ALPK2: variants seen among roughly 807,000 people sequenced by gnomAD.
ALPK2 encodes the protein alpha kinase 2.
A neutral mutation model predicts 163.1 loss-of-function variants in ALPK2; 127 were observed. The ratio of observed to expected loss-of-function variants is 0.78; its 90% confidence interval spans 0.67 to 0.90. The LOEUF is 0.90. Ranked by LOEUF, ALPK2 falls within the 40% of genes least tolerant of loss-of-function variation. ALPK2 has a pLI of 0.00. For synonymous variants in ALPK2, 953 were observed against 959.1 expected, an observed-to-expected ratio of 0.99 and a Z score of 0.12; for missense variants, 2,360 against 2,589.6, an observed-to-expected ratio of 0.91 and a Z score of 1.92.
At chr18:58,620,769 A>G (rs1051290471) in intron 1 of ALPK2, among the ~76,000 whole-genome samples, 1 of 152,266 alleles carries the variant, frequency 6.6e-6, no homozygotes. Context: ...TGCCTGTGAT[A>G]GCAAAAGCTA....
At chr18:58,588,407 AT>A (rs916849157) in intron 3 of ALPK2, among the ~76,000 whole-genome samples, 11 of 151,890 alleles carry the variant, frequency 7.2e-5, no homozygotes, top group Non-Finnish European at 7.4e-5. Flanking sequence ...TAATGTTTGA[AT>A]TTTTTTTTAA....
intron 4 of ALPK2, among the ~76,000 whole-genome samples, chr18:58,564,123 CTTTT>C (rs10689097): frequency 9.8e-6 from 1 of 102,488 alleles, no homozygotes; most frequent in Non-Finnish European, 1.8e-5. Context: ...TGTCTTTGTT[CTTTT>C]TTTTTTTTTT....
At chr18:58,502,078 A>G (rs546090382) in intron 11 of ALPK2, among the ~76,000 whole-genome samples, 1 of 151,146 alleles carries the variant, frequency 6.6e-6, no homozygotes, top group South Asian at 2.1e-4. Context: ...AGGCAGGAAG[A>G]TCACCTGAGT....
intron 3 of ALPK2, among the ~76,000 whole-genome samples, chr18:58,598,529 G>A (rs2052052360): frequency 6.6e-6 from 1 of 152,198 alleles, no homozygotes; most frequent in South Asian, 2.1e-4. Context: ...GCCCTCAGCT[G>A]AGTGCATGAG....
intron 4 of ALPK2, among the ~76,000 whole-genome samples, chr18:58,556,621 G>A (rs1487646504): frequency 6.6e-6 from 1 of 152,192 alleles, no homozygotes; most frequent in East Asian, 1.9e-4. Context: ...CCTTTCTGGG[G>A]AAAGCCCTAA....
intron 4 of ALPK2, among the ~76,000 whole-genome samples, chr18:58,538,822 CA>C (rs1257044278): frequency 2.6e-5 from 4 of 152,132 alleles, no homozygotes; most frequent in East Asian, 1.9e-4. Context: ...TGCCATCCCT[CA>C]GGGGTGGGGG....
Position 58,516,794 on chromosome 18 carries a change from A to G in ALPK2, c.5940+114T>C, listed in dbSNP as rs566094030. On this transcript the variant is annotated intron_variant, in intron 9 of 12. Transcript: ENST00000361673. ...TGAGATTGAATTGAAACCCCAAAAG[A>G]GGAAAAACACCCTTTTGAAGATATT... is the stretch of plus-strand genomic sequence containing the variant. 5 of 1,267,010 alleles carry G rather than the reference A, an allele frequency of 3.9e-6. No homozygotes were observed. In the South Asian group the frequency reaches 7.1e-5, roughly 18 times the overall value. 78.5% of individuals were successfully genotyped at this position (1,267,010 alleles called of 1,614,324 possible).
chr18:58,612,800 G>A (rs1015130017), intron 1 of ALPK2, among the ~76,000 whole-genome samples: 24 of 152,260 alleles, frequency 1.6e-4, no homozygotes, highest in Non-Finnish European at 2.6e-4. Context: ...CCTTTGTGGA[G>A]CCCTGAGCTT....
intron 12 of ALPK2, 149 bp from the exon 13 acceptor site, chr18:58,482,188 C>CT (rs1322323506): frequency 3.1e-6 from 2 of 640,568 alleles, no homozygotes; most frequent in Admixed American, 5.7e-5. Flanking sequence ...ATAGACACAA[C>CT]TATAAGTGAA....
intron 3 of ALPK2, among the ~76,000 whole-genome samples, chr18:58,590,709 T>C (rs2052010715): frequency 6.6e-6 from 1 of 152,256 alleles, no homozygotes; most frequent in East Asian, 1.9e-4. Flanking sequence ...TCTGAATTTC[T>C]TGATCATATT....
intron 8 of ALPK2, 30 bp from the exon 9 acceptor site, chr18:58,517,212 G>T (rs752384706): frequency 3.1e-6 from 5 of 1,603,086 alleles, no homozygotes; most frequent in Non-Finnish European, 4.3e-6. Flanking sequence ...TGGTTGGAAA[G>T]AATACCTCCC....
rs147713179 is a variant in ALPK2 at position 58,595,215 on chromosome 18, T to A, written c.227+12107A>T. 1.3e-4 allele frequency among the ~76,000 whole-genome samples: 20 copies of A among 152,226 alleles called. No individual in the cohort carries two copies. In the East Asian group the frequency reaches 3.5e-3, roughly 26 times the overall value. Reference sequence around the variant, plus strand: ...CCTTCCCACCGTCATGCGCCTTCCCTCCCTCGTGCTGCTTTATCTTTTTTC... The same window carrying A: ...CCTTCCCACCGTCATGCGCCTTCCCACCCTCGTGCTGCTTTATCTTTTTTC... On this transcript the variant is annotated intron_variant, in intron 3 of 12. Transcript: ENST00000361673.
intron 10 of ALPK2, among the ~76,000 whole-genome samples, chr18:58,513,014 G>T (rs1187882841): frequency 1.5e-5 from 2 of 133,968 alleles, no homozygotes; most frequent in African/African-American, 5.7e-5. Context: ...GTTTATGTGG[G>T]GTGTGTGTGG....
chr18:58,590,650 G>A (rs1228419724), intron 3 of ALPK2, among the ~76,000 whole-genome samples: 1 of 152,150 alleles, frequency 6.6e-6, no homozygotes, highest in Non-Finnish European at 1.5e-5. Flanking sequence ...AAAGACTTTG[G>A]TCTTTCCCAA....
intron 4 of ALPK2, among the ~76,000 whole-genome samples, chr18:58,550,394 C>A (rs2051746347): frequency 6.6e-6 from 1 of 151,302 alleles, no homozygotes; most frequent in African/African-American, 2.4e-5. Context: ...CCATCTCCAT[C>A]ACCTACAACC....
chr18:58,591,936 G>A (rs752431813), intron 3 of ALPK2, among the ~76,000 whole-genome samples: 5 of 152,198 alleles, frequency 3.3e-5, no homozygotes, highest in Non-Finnish European at 7.4e-5. Context: ...AGGTGGCTGA[G>A]CCCAGATCGT....
intron 4 of ALPK2, chr18:58,556,928 C>G (rs12961927): frequency 1.3e-5 from 2 of 152,260 alleles, no homozygotes; most frequent in Admixed American, 1.3e-4. Flanking sequence ...CTCCCGAGCC[C>G]CCAGCTTCCT....
intron 4 of ALPK2, chr18:58,543,476 C>A: frequency 1.2e-6 from 1 of 846,042 alleles, no homozygotes; most frequent in Non-Finnish European, 1.4e-6. Flanking sequence ...CTCTGGGTTC[C>A]AAAGAGAGAG....
chr18:58,535,965 C>T lies in ALPK2; in HGVS notation c.4222G>A (p.Glu1408Lys). The change falls in exon 5 of 13, where the codon GAG (glutamate) becomes AAG (lysine). Residue 1408 changes from glutamate (E) to lysine (K), a missense_variant. Glu to Lys is a moderately conservative substitution (Grantham distance 56). Coordinates refer to ENST00000361673, the MANE Select transcript of ALPK2 (RefSeq NM_052947.4). ...ILESSVDPID[E>K]ISVIEYTRAG... Reference sequence around the variant, plus strand: ...CTGGTGTACTCTATCACACTTATCTCATCAATGGGATCTACAGAGGACTCT... The same window carrying T: ...CTGGTGTACTCTATCACACTTATCTTATCAATGGGATCTACAGAGGACTCT... 1 of 1,614,212 alleles carries T rather than the reference C, an allele frequency of 6.2e-7. No homozygotes were observed. Among genetic ancestry groups the T allele is most frequent in the Non-Finnish European group, 8.5e-7 (1 of 1,180,028 alleles).
Sources: allele counts gnomAD v4.1 joint callset (sites outside exome capture counted in the v4.1 genomes callset), GRCh38; gene constraint gnomAD v4.1.1; transcripts MANE v1.5; gene names NCBI Gene and HGNC (gene_info 2026-07-23, HGNC 2026-07-21).